ZNF66: variants seen among roughly 807,000 people sequenced by gnomAD.
The protein encoded by ZNF66 is zinc finger protein 66, also known as putative zinc finger protein 66.
In ZNF66, 32 loss-of-function variants were observed where a neutral mutation model predicts 35.2. That is an observed-to-expected ratio of 0.91 (90% CI 0.69 to 1.22). The LOEUF is 1.22. Among genes scored for constraint, ZNF66 ranks in the 50% most tolerant of loss-of-function variants. The probability of loss-of-function intolerance (pLI) is 0.00; values close to 1 mark genes in which losing one functional copy is unlikely to be tolerated. For missense variants in ZNF66, 666 were observed against 543.1 expected, an observed-to-expected ratio of 1.23 and a Z score of -2.25; for synonymous variants, 231 against 181.3, an observed-to-expected ratio of 1.27 and a Z score of -2.20.
chr19:20,777,775 G>A (rs1188347197), intron 1 of ZNF66, among the ~76,000 whole-genome samples: 3 of 151,950 alleles, frequency 2.0e-5, no homozygotes, highest in Non-Finnish European at 4.4e-5. Flanking sequence ...ACAGGCAAGC[G>A]CCACCACTCC....
intron 3 of ZNF66, 169 bp downstream of exon 3, chr19:20,794,047 C>A: frequency 1.8e-6 from 1 of 558,544 alleles, no homozygotes; most frequent in South Asian, 2.4e-5. Flanking sequence ...ATTTTGCTGT[C>A]ACAAAGGGGC....
At chr19:20,804,220 T>C (rs1971477640) in intron 3 of ZNF66, among the ~76,000 whole-genome samples, 1 of 151,830 alleles carries the variant, frequency 6.6e-6, no homozygotes, top group Non-Finnish European at 1.5e-5. Flanking sequence ...TTACTGAATA[T>C]TATTCAATTT....
At chr19:20,792,434 C>G in intron 1 of ZNF66, 78 bp from the exon 2 acceptor site, 1 of 1,283,404 alleles carries the variant, frequency 7.8e-7, no homozygotes, top group Admixed American at 2.3e-5. Context: ...TATCTTTACT[C>G]TCTCATTTCA....
At chr19:20,787,881 A>G (rs1971302523) in intron 1 of ZNF66, among the ~76,000 whole-genome samples, 2 of 152,240 alleles carry the variant, frequency 1.3e-5, no homozygotes, top group Admixed American at 6.5e-5. Context: ...TTTTCTATTT[A>G]GAATCAGCCT....
chr19:20,804,331 T>C (rs1225740616), intron 3 of ZNF66, among the ~76,000 whole-genome samples: 1 of 152,002 alleles, frequency 6.6e-6, no homozygotes, highest in Non-Finnish European at 1.5e-5. Flanking sequence ...GCAACCTCCA[T>C]CTCCCAGGTT....
chr19:20,789,944 T>A (rs545350579), intron 1 of ZNF66, among the ~76,000 whole-genome samples: 35 of 152,344 alleles, frequency 2.3e-4, no homozygotes, highest in African/African-American at 7.9e-4. Flanking sequence ...TCTCCTTGTT[T>A]GTACCAGAAG....
rs1361594642 is a variant in ZNF66 at position 20,782,720 on chromosome 19, G to GT, written c.3+6276dup. On this transcript the variant is annotated intron_variant, in intron 1 of 3. Coordinates refer to ENST00000344519, the MANE Select transcript of ZNF66 (RefSeq NM_001355197.2). ...GCCTACAATTTAATGAAGTTGTTTGGTTTTTTCTTTTAAACTTGTATAAGT... is the reference window on the plus strand; with the variant it reads ...GCCTACAATTTAATGAAGTTGTTTGGTTTTTTTCTTTTAAACTTGTATAAGT... Among the ~76,000 whole-genome samples the GT allele has an allele frequency of 3.3e-5, 5 of 152,140 alleles. No individual in the cohort carries two copies. The East Asian group carries it at 5.8e-4, about 18-fold the overall frequency.
intron 3 of ZNF66, among the ~76,000 whole-genome samples, chr19:20,796,251 A>C (rs1222269947): frequency 6.6e-6 from 1 of 152,064 alleles, no homozygotes; most frequent in Non-Finnish European, 1.5e-5. Context: ...GGGAGTATGA[A>C]AATAGGGACT....
chr19:20,804,549 T>G (rs566238251), intron 3 of ZNF66, among the ~76,000 whole-genome samples: 12 of 152,170 alleles, frequency 7.9e-5, no homozygotes, highest in African/African-American at 2.4e-4. Context: ...CCACCCTATT[T>G]TATTATATTT....
At chr19:20,779,155 T>A (rs1367796507) in intron 1 of ZNF66, among the ~76,000 whole-genome samples, 2 of 152,164 alleles carry the variant, frequency 1.3e-5, no homozygotes, top group African/African-American at 2.4e-5. Context: ...GATGATGCAG[T>A]CGTTATGTTT....
chr19:20,806,723 G>C lies in ZNF66; in HGVS notation c.1123G>C (p.Gly375Arg), dbSNP rs932560812. 7.0e-7 allele frequency: 1 copy of C among 1,422,998 alleles called. No individual in the cohort carries two copies. The highest frequency in any genetic ancestry group is 9.9e-7 in the Non-Finnish European group (1 of 1,008,920). 88.1% of individuals were successfully genotyped at this position (1,422,998 alleles called of 1,614,324 possible). ...GEKPYKCEEC[G>R]EAFKYSCSLT... ...GAAACCCTACAAATGTGAAGAATGTGGTGAAGCCTTTAAGTACTCCTGTTC... is the reference window on the plus strand; with the variant it reads ...GAAACCCTACAAATGTGAAGAATGTCGTGAAGCCTTTAAGTACTCCTGTTC... Residue 375 changes from glycine to arginine, a missense_variant, in exon 4 of 4, where the codon GGT (glycine) becomes CGT (arginine). Transcript: ENST00000344519.
chr19:20,782,344 T>C (rs945723373), intron 1 of ZNF66, among the ~76,000 whole-genome samples: 2 of 152,242 alleles, frequency 1.3e-5, no homozygotes, highest in African/African-American at 2.4e-5. Context: ...TGCATGTGGA[T>C]GTGTCTTTAT....
intron 3 of ZNF66, among the ~76,000 whole-genome samples, chr19:20,804,260 A>T (rs1971478303): frequency 6.6e-6 from 1 of 151,538 alleles, no homozygotes; most frequent in South Asian, 2.1e-4. Context: ...TTTTATTATT[A>T]TTTTCTGAGA....
chr19:20,804,730 A>G (rs1971483290), intron 3 of ZNF66, among the ~76,000 whole-genome samples: 1 of 152,238 alleles, frequency 6.6e-6, no homozygotes, highest in South Asian at 2.1e-4. Flanking sequence ...TTATTCTGGC[A>G]TAGTCTGAAA....
intron 1 of ZNF66, among the ~76,000 whole-genome samples, chr19:20,783,362 G>A (rs1303486572): frequency 6.6e-6 from 1 of 151,914 alleles, no homozygotes; most frequent in Non-Finnish European, 1.5e-5. Context: ...TGTTCTTAAG[G>A]GATTTAGATT....
At chr19:20,792,419 C>G in intron 1 of ZNF66, 93 bp from the exon 2 acceptor site, 2 of 1,172,954 alleles carry the variant, frequency 1.7e-6, no homozygotes, top group Non-Finnish European at 2.4e-6. Context: ...TAAGTCAGAA[C>G]CAGTTATCTT....
At chr19:20,801,714 C>A (rs562818675) in intron 3 of ZNF66, among the ~76,000 whole-genome samples, 1 of 152,166 alleles carries the variant, frequency 6.6e-6, no homozygotes, top group South Asian at 2.1e-4. Context: ...GCTGCTTGAA[C>A]CTCCCAAACT....
In ZNF66 at chr19:20,809,570, C is replaced by T. The variant is rs563547338; in HGVS notation, c.*2248C>T. ...AATTTTCAACCCAGAATTTCATATC[C>T]AGCCAAACTAAGCTTCATAAGTGAA... On this transcript the variant is annotated 3_prime_UTR_variant, in exon 4 of 4. Coordinates refer to ENST00000344519, the MANE Select transcript of ZNF66 (RefSeq NM_001355197.2). Among the ~76,000 whole-genome samples, 3 of 151,666 alleles carry T rather than the reference C, an allele frequency of 2.0e-5. No homozygotes were observed. The highest frequency in any genetic ancestry group is 6.6e-5 in the Admixed American group (1 of 15,254).
At position 20,807,823 on chromosome 19, in the gene ZNF66, A is replaced by C. The variant is rs1238238183; in HGVS notation, c.*501A>C. Among the ~76,000 whole-genome samples the C allele has an allele frequency of 3.3e-5, 5 of 152,140 alleles. No individual in the cohort carries two copies. Among genetic ancestry groups the C allele is most frequent in the East Asian group, 3.9e-4 (2 of 5,182 alleles). ...TGATTTCTGCATTTCCGTCTGATGTACCAGGTTCATCTCACTAGGGAGTGC... is the reference window on the plus strand; with the variant it reads ...TGATTTCTGCATTTCCGTCTGATGTCCCAGGTTCATCTCACTAGGGAGTGC... On this transcript the variant is annotated 3_prime_UTR_variant, in exon 4 of 4. Transcript: ENST00000344519.
Sources: allele counts gnomAD v4.1 joint callset (sites outside exome capture counted in the v4.1 genomes callset), GRCh38; gene constraint gnomAD v4.1.1; transcripts MANE v1.5; gene names NCBI Gene and HGNC (gene_info 2026-07-23, HGNC 2026-07-21).